TENT5D: variants seen among roughly 807,000 people sequenced by gnomAD.
TENT5D encodes cancer/testis antigen 112.
For synonymous variants in TENT5D, 103 were observed against 100.6 expected (o/e 1.02, Z -0.15); for missense variants, 191 against 287.0 (o/e 0.67, Z 2.42).
intron 1 of TENT5D, among the ~76,000 whole-genome samples, chrX:80,426,836 A>G (rs903747152): frequency 8.9e-6 from 1 of 111,773 alleles, no homozygotes; most frequent in African/African-American, 3.3e-5. Flanking sequence ...CCAAATTTCA[A>G]CTTGACTTGT....
chrX:80,403,752 G>A (rs953759330), intron 3 of TENT5D, among the ~76,000 whole-genome samples: 1 of 111,832 alleles, frequency 8.9e-6, no homozygotes. Context: ...ATCTGCTTGG[G>A]TGGAATTTGT....
chrX:80,442,701 A>G (rs1932310428), exon 3 of TENT5D: 9 of 1,211,337 alleles, frequency 7.4e-6, no homozygotes, highest in Non-Finnish European at 7.8e-6. Context: ...TCATAGGGCA[A>G]GGAATTATTG....
intron 2 of TENT5D, among the ~76,000 whole-genome samples, chrX:80,439,498 A>C (rs1602225434): frequency 9.0e-6 from 1 of 111,014 alleles, no homozygotes. Context: ...TATGCGGTTA[A>C]GTATGGAGCC....
chrX:80,382,508 C>G (rs1930887010), intron 3 of TENT5D, among the ~76,000 whole-genome samples: 1 of 111,913 alleles, frequency 8.9e-6, no homozygotes, highest in South Asian at 3.7e-4. Context: ...GAACACTGCT[C>G]TCTTCACTGC....
At chrX:80,428,105 A>G (rs1932017971) in intron 1 of TENT5D, among the ~76,000 whole-genome samples, 1 of 112,282 alleles carries the variant, frequency 8.9e-6, no homozygotes, top group African/African-American at 3.2e-5. Flanking sequence ...GATTCTTACT[A>G]TTTCTTTTAT....
intron 3 of TENT5D, among the ~76,000 whole-genome samples, chrX:80,362,025 C>G (rs780239436): frequency 1.2e-4 from 13 of 110,957 alleles, no homozygotes; most frequent in Non-Finnish European, 2.3e-4. Context: ...TTGTTCCCAT[C>G]TTTGTAGCCA....
intron 3 of TENT5D, among the ~76,000 whole-genome samples, chrX:80,349,879 T>A (rs1930141888): frequency 9.0e-6 from 1 of 111,361 alleles, no homozygotes; most frequent in Non-Finnish European, 1.9e-5. Flanking sequence ...TCAAAGAACT[T>A]CATTATTTTT....
chrX:80,405,804 CACAG>C (rs1353321423), intron 3 of TENT5D, among the ~76,000 whole-genome samples: 3 of 112,743 alleles, frequency 2.7e-5, no homozygotes, highest in Non-Finnish European at 3.8e-5. Context: ...GGGGGCAGGG[CACAG>C]ACAAACAAAA....
intron 2 of TENT5D, among the ~76,000 whole-genome samples, chrX:80,340,212 A>C (rs1276404122): frequency 9.0e-6 from 1 of 110,924 alleles, no homozygotes; most frequent in Non-Finnish European, 1.9e-5. Flanking sequence ...TTACTATCCA[A>C]GAGCTGTTTG....
At chrX:80,361,215 C>T (rs750445233) in intron 3 of TENT5D, among the ~76,000 whole-genome samples, 1 of 111,900 alleles carries the variant, frequency 8.9e-6, no homozygotes, top group African/African-American at 3.2e-5. Context: ...TGGCCAGCAA[C>T]GTTTCAGTAT....
At chrX:80,380,965 G>T (rs1223753018) in intron 3 of TENT5D, among the ~76,000 whole-genome samples, 1 of 111,586 alleles carries the variant, frequency 9.0e-6, no homozygotes, top group African/African-American at 3.3e-5. Flanking sequence ...TACGTTTAAG[G>T]TTAATATTGT....
upstream of TENT5D, among the ~76,000 whole-genome samples, chrX:80,416,595 G>A (rs146828886): frequency 4.5e-4 from 50 of 110,020 alleles, 1 homozygote; most frequent in East Asian, 0.013. Flanking sequence ...TAACTGTATG[G>A]TTTTGAGCAA....
chrX:80,407,498 CAAAG>C (rs1166605973), intron 3 of TENT5D, among the ~76,000 whole-genome samples: 12 of 108,316 alleles, frequency 1.1e-4, no homozygotes, highest in Non-Finnish European at 1.5e-4. Flanking sequence ...TCAAAAGAGA[CAAAG>C]AAGGCCATTA....
chrX:80,397,685 G>A (rs958128854), intron 3 of TENT5D, among the ~76,000 whole-genome samples: 3 of 112,502 alleles, frequency 2.7e-5, no homozygotes, highest in Admixed American at 9.3e-5. Flanking sequence ...CCGGCACCTC[G>A]GGAGGCCGAG....
intron 3 of TENT5D, among the ~76,000 whole-genome samples, chrX:80,404,335 CTCTCAAAATCT>C (rs1931441385): frequency 9.0e-6 from 1 of 111,506 alleles, no homozygotes; most frequent in African/African-American, 3.3e-5. Context: ...TTAAATCTGT[CTCTCAAAATCT>C]TGTAAAAAAT....
intron 3 of TENT5D, among the ~76,000 whole-genome samples, chrX:80,379,103 T>A (rs1569361944): frequency 9.7e-6 from 1 of 103,349 alleles, no homozygotes; most frequent in African/African-American, 3.6e-5. Context: ...TCGAAGGCCT[T>A]TTCTGCATTC....
intron 3 of TENT5D, among the ~76,000 whole-genome samples, chrX:80,365,213 A>G (rs1930483663): frequency 8.9e-6 from 1 of 111,950 alleles, no homozygotes; most frequent in African/African-American, 3.2e-5. Context: ...TGTTACCAAG[A>G]CATTGTAGAT....
At chrX:80,376,901 C>G (rs1930739128) in intron 3 of TENT5D, among the ~76,000 whole-genome samples, 2 of 111,287 alleles carry the variant, frequency 1.8e-5, no homozygotes, top group Admixed American at 1.9e-4. Flanking sequence ...TAGTTAATTA[C>G]AATAGGAAAT....
At chrX:80,427,100 TTTC>T (rs1932001912) in intron 1 of TENT5D, among the ~76,000 whole-genome samples, 1 of 111,958 alleles carries the variant, frequency 8.9e-6, no homozygotes, top group Non-Finnish European at 1.9e-5. Context: ...TAAACCTCTT[TTTC>T]TTCTCAATCT....
Sources: gnomAD v4.1 joint callset for allele counts (sites outside exome capture counted in the v4.1 genomes callset) on GRCh38, gnomAD v4.1.1 for gene constraint, MANE v1.5 for transcripts, NCBI Gene and HGNC (gene_info 2026-07-23, HGNC 2026-07-21) for gene names.